Variants in MCTP1 observed in about 807,000 individuals in gnomAD.
MCTP1 encodes multiple C2 and transmembrane domain containing 1.
Under a neutral mutation model 120.6 loss-of-function variants are expected in MCTP1, and 69 were observed. That is an observed-to-expected ratio of 0.57 (90% confidence interval 0.47 to 0.70). The LOEUF is 0.70. Among genes scored for constraint, MCTP1 ranks in the 30% least tolerant of loss-of-function variants. The pLI is 0.00. For synonymous variants in MCTP1, 529 were observed against 493.1 expected, an observed-to-expected ratio of 1.07 and a Z score of -0.96; for missense variants, 1,203 against 1,248.8, an observed-to-expected ratio of 0.96 and a Z score of 0.55.
intron 1 of MCTP1, among the ~76,000 whole-genome samples, chr5:95,162,304 C>A (rs1039848788): frequency 2.6e-5 from 4 of 152,086 alleles, no homozygotes; most frequent in African/African-American, 7.2e-5. Context: ...TCATCACTTA[C>A]CAGAAGACAA....
At chr5:95,014,934 C>T (rs967971477) in intron 2 of MCTP1, among the ~76,000 whole-genome samples, 1 of 152,066 alleles carries the variant, frequency 6.6e-6, no homozygotes, top group African/African-American at 2.4e-5. Flanking sequence ...CAACCACCAC[C>T]CTAATCAGTC....
intron 1 of MCTP1, among the ~76,000 whole-genome samples, chr5:95,039,129 A>G (rs1446400811): frequency 6.6e-6 from 1 of 152,226 alleles, no homozygotes; most frequent in Non-Finnish European, 1.5e-5. Context: ...CATGTGAAAC[A>G]CTTAGTATCC....
chr5:94,782,929 T>A (rs950880515), intron 18 of MCTP1, among the ~76,000 whole-genome samples: 4 of 152,150 alleles, frequency 2.6e-5, no homozygotes, highest in African/African-American at 9.7e-5. Context: ...AGATCGGCTC[T>A]AGAATTCTCT....
intron 1 of MCTP1, among the ~76,000 whole-genome samples, chr5:95,173,911 A>G (rs1350018345): frequency 6.6e-6 from 1 of 152,174 alleles, no homozygotes; most frequent in African/African-American, 2.4e-5. Flanking sequence ...ATTGGAAATT[A>G]AAAATGAAAG....
chr5:95,164,815 A>T (rs1435404595), intron 1 of MCTP1, among the ~76,000 whole-genome samples: 1 of 152,150 alleles, frequency 6.6e-6, no homozygotes, highest in Non-Finnish European at 1.5e-5. Flanking sequence ...TGTAAACTCC[A>T]AGTGGCCTAA....
chr5:95,186,550 A>G (rs1749231386), intron 1 of MCTP1, among the ~76,000 whole-genome samples: 1 of 152,212 alleles, frequency 6.6e-6, no homozygotes. Context: ...TACCTTGTTC[A>G]TGGATTGGAA....
intron 2 of MCTP1, among the ~76,000 whole-genome samples, chr5:95,009,056 AAGAGAGAGAGAGAGAGAGAGAGAGAG>A (rs201724037): frequency 0.51 from 66,353 of 129,728 alleles, 17,474 homozygotes; most frequent in Non-Finnish European, 0.61. Context: ...GAGAGGGAGA[AAGAGAGAGAGAGAGAGAGAGAGAGAG>A]AGAGAGAGAG....
intron 5 of MCTP1, among the ~76,000 whole-genome samples, chr5:94,938,921 CA>C (rs1051463802): frequency 1.3e-5 from 2 of 152,048 alleles, no homozygotes; most frequent in Non-Finnish European, 2.9e-5. Flanking sequence ...CCCCTCTGCA[CA>C]AGGGTGCATG....
intron 2 of MCTP1, among the ~76,000 whole-genome samples, chr5:94,986,832 T>C (rs1830507849): frequency 6.6e-6 from 1 of 152,088 alleles, no homozygotes; most frequent in Admixed American, 6.6e-5. Flanking sequence ...GTGTTTGTTA[T>C]TTTTATTAAA....
At chr5:95,002,722 A>G (rs1244071268) in intron 2 of MCTP1, among the ~76,000 whole-genome samples, 1 of 152,176 alleles carries the variant, frequency 6.6e-6, no homozygotes, top group Non-Finnish European at 1.5e-5. Context: ...TCATAGGCAG[A>G]AGGGACTTGC....
chr5:94,966,697 A>T (rs1825685777), intron 2 of MCTP1, among the ~76,000 whole-genome samples: 1 of 152,030 alleles, frequency 6.6e-6, no homozygotes, highest in Non-Finnish European at 1.5e-5. Flanking sequence ...CAGGAGGCTG[A>T]GGCAGGAGAA....
intron 1 of MCTP1, among the ~76,000 whole-genome samples, chr5:95,045,720 T>G (rs115559834): frequency 6.6e-6 from 1 of 152,162 alleles, no homozygotes. Context: ...GTACTTAGTA[T>G]GCAAACATAT....
rs188035649 is a variant in MCTP1 at position 94,811,075 on chromosome 5, T to G, written c.2437-11943A>C. Among the ~76,000 whole-genome samples the G allele has an allele frequency of 3.6e-3, 548 of 152,316 alleles. 2 individuals are homozygous for G. The highest frequency in any genetic ancestry group is 0.012 in the African/African-American group (518 of 41,578). On this transcript the variant is annotated intron_variant, in intron 17 of 22. Transcript: ENST00000515393. ...TGGTCTCATTCCCCCAATCCCTCTGTTCTGGAAAAACTTCAAGAGTTATGT... is the reference window on the plus strand; with the variant it reads ...TGGTCTCATTCCCCCAATCCCTCTGGTCTGGAAAAACTTCAAGAGTTATGT...
At chr5:95,207,600 T>C (rs962043552) in intron 1 of MCTP1, among the ~76,000 whole-genome samples, 1 of 152,106 alleles carries the variant, frequency 6.6e-6, no homozygotes, top group Non-Finnish European at 1.5e-5. Context: ...GTTATCAGAG[T>C]GAGACACATT....
At chr5:95,132,093 C>G (rs940185384) in intron 1 of MCTP1, among the ~76,000 whole-genome samples, 1 of 152,092 alleles carries the variant, frequency 6.6e-6, no homozygotes, top group African/African-American at 2.4e-5. Flanking sequence ...GCTTTTAGCT[C>G]TTTTCTCAAG....
At chr5:94,952,380 G>T (rs1321687724) in intron 3 of MCTP1, among the ~76,000 whole-genome samples, 1 of 151,920 alleles carries the variant, frequency 6.6e-6, no homozygotes, top group African/African-American at 2.4e-5. Flanking sequence ...ATTATTTCTT[G>T]TTCCTTTCTG....
At chr5:95,009,460 G>C (rs114461504) in intron 2 of MCTP1, among the ~76,000 whole-genome samples, 2,137 of 151,774 alleles carry the variant, frequency 0.014, 51 homozygotes, top group African/African-American at 0.05. Flanking sequence ...AATAGTAACT[G>C]TACATCACAA....
intron 6 of MCTP1, among the ~76,000 whole-genome samples, chr5:94,927,464 T>G (rs1178421684): frequency 6.6e-6 from 1 of 152,176 alleles, no homozygotes; most frequent in East Asian, 1.9e-4. Context: ...CAAAGACATA[T>G]GCGTAATGAC....
intron 2 of MCTP1, among the ~76,000 whole-genome samples, chr5:95,009,547 C>A (rs1429351647): frequency 2.0e-5 from 3 of 149,816 alleles, no homozygotes; most frequent in African/African-American, 7.4e-5. Context: ...TATGTATGCC[C>A]CAGTTATTAT....
Sources: allele counts gnomAD v4.1 joint callset (sites outside exome capture counted in the v4.1 genomes callset), GRCh38; gene constraint gnomAD v4.1.1; transcripts MANE v1.5; gene names NCBI Gene and HGNC (gene_info 2026-07-23, HGNC 2026-07-21).